The following NXPE2 variants were observed in gnomAD, a reference collection of about 807,000 sequenced individuals.
The protein encoded by NXPE2 is NXPE family member 2.
A neutral mutation model predicts 34.4 loss-of-function variants in NXPE2; 34 were observed. That is an observed-to-expected ratio of 0.99 (90% CI 0.75 to 1.31). NXPE2 has a LOEUF of 1.31. Ranked by LOEUF, NXPE2 falls within the 40% of genes most tolerant of loss-of-function variation. The pLI, the probability that NXPE2 is intolerant of heterozygous loss-of-function variation, is 0.00. For synonymous variants in NXPE2, 235 were observed against 231.3 expected, an observed-to-expected ratio of 1.02 and a Z score of -0.15; for missense variants, 649 against 672.5, an observed-to-expected ratio of 0.97 and a Z score of 0.39.
At chr11:114,620,122 A>AT in the NXPE2 span, among the ~76,000 whole-genome samples, 1 of 148,726 alleles carries the variant, frequency 6.7e-6, no homozygotes, top group Non-Finnish European at 1.5e-5. Context: ...GATAATACGT[A>AT]TTTCCTCGTG....
At chr11:114,799,590 C>G in the NXPE2 span, among the ~76,000 whole-genome samples, 1 of 152,170 alleles carries the variant, frequency 6.6e-6, no homozygotes, top group Non-Finnish European at 1.5e-5. Context: ...AGGAGACCCC[C>G]TGGGTGGGAA....
intron 2 of NXPE2, among the ~76,000 whole-genome samples, chr11:114,682,848 GA>G (rs35146922): frequency 0.25 from 35,689 of 143,510 alleles, 4,360 homozygotes; most frequent in East Asian, 0.45. Flanking sequence ...ACCTGAGGAG[GA>G]AAAAAAAAAA....
the NXPE2 span, among the ~76,000 whole-genome samples, chr11:114,811,404 AG>A: frequency 6.6e-6 from 1 of 152,092 alleles, no homozygotes; most frequent in Non-Finnish European, 1.5e-5. Context: ...CACAAAAAAA[AG>A]GTAGGGATAG....
the NXPE2 span, among the ~76,000 whole-genome samples, chr11:114,759,648 C>T: frequency 7.9e-5 from 12 of 151,924 alleles, no homozygotes; most frequent in African/African-American, 2.7e-4. Flanking sequence ...ATTAGAATAC[C>T]GAATAAGTTT....
At chr11:114,602,806 TAC>T in the NXPE2 span, among the ~76,000 whole-genome samples, 1 of 139,446 alleles carries the variant, frequency 7.2e-6, no homozygotes, top group Non-Finnish European at 1.5e-5. Flanking sequence ...CTCATATAAT[TAC>T]AGAATCATAT....
the NXPE2 span, among the ~76,000 whole-genome samples, chr11:114,550,949 A>G: frequency 6.6e-6 from 1 of 152,136 alleles, no homozygotes; most frequent in African/African-American, 2.4e-5. Context: ...TGGTGTCCAC[A>G]ATGCCTCTAA....
At chr11:114,520,634 G>A in the NXPE2 span, among the ~76,000 whole-genome samples, 1 of 152,172 alleles carries the variant, frequency 6.6e-6, no homozygotes, top group Non-Finnish European at 1.5e-5. Context: ...ACTCAGCAGA[G>A]GGATTGCTGG....
At chr11:114,604,264 T>A in the NXPE2 span, among the ~76,000 whole-genome samples, 1 of 151,994 alleles carries the variant, frequency 6.6e-6, no homozygotes, top group African/African-American at 2.4e-5. Context: ...GGGTAACCAG[T>A]GTTACCTGCT....
chr11:114,811,461 G>A, the NXPE2 span, among the ~76,000 whole-genome samples: 1 of 152,170 alleles, frequency 6.6e-6, no homozygotes, highest in South Asian at 2.1e-4. Context: ...TCATGAAGAA[G>A]AGAAAATATG....
the NXPE2 span, among the ~76,000 whole-genome samples, chr11:114,629,393 C>A: frequency 6.6e-6 from 1 of 151,878 alleles, no homozygotes; most frequent in Non-Finnish European, 1.5e-5. Flanking sequence ...TGTAATCCAG[C>A]ATATAAACAG....
the NXPE2 span, among the ~76,000 whole-genome samples, chr11:114,619,368 G>T: frequency 6.6e-6 from 1 of 151,956 alleles, no homozygotes; most frequent in Admixed American, 6.6e-5. Flanking sequence ...TAGATAATAA[G>T]TGTTGCCACC....
At chr11:114,670,141 G>A in the NXPE2 span, among the ~76,000 whole-genome samples, 1 of 152,012 alleles carries the variant, frequency 6.6e-6, no homozygotes, top group Non-Finnish European at 1.5e-5. Flanking sequence ...CCATAGAGCA[G>A]TTTATGCCCC....
chr11:114,508,348 C>T, the NXPE2 span, among the ~76,000 whole-genome samples: 1 of 152,166 alleles, frequency 6.6e-6, no homozygotes, highest in African/African-American at 2.4e-5. Context: ...AATACTATTC[C>T]TATTCAACTA....
intron 2 of NXPE2, among the ~76,000 whole-genome samples, 164 bp from the exon 3 acceptor site, chr11:114,697,881 T>C (rs943126512): frequency 1.3e-4 from 20 of 152,200 alleles, no homozygotes; most frequent in African/African-American, 4.8e-4. Context: ...TCATACTACA[T>C]GGAAACCATT....
the NXPE2 span, among the ~76,000 whole-genome samples, chr11:114,634,970 C>T: frequency 6.6e-6 from 1 of 151,884 alleles, no homozygotes; most frequent in African/African-American, 2.4e-5. Flanking sequence ...TCCATATGAA[C>T]TTTAAAGTAG....
At chr11:114,672,981 C>T in the NXPE2 span, among the ~76,000 whole-genome samples, 5 of 150,714 alleles carry the variant, frequency 3.3e-5, no homozygotes, top group Non-Finnish European at 1.5e-5. Flanking sequence ...ACATTCTGCC[C>T]AACAACAACA....
At chr11:114,587,746 C>A in the NXPE2 span, among the ~76,000 whole-genome samples, 1 of 152,142 alleles carries the variant, frequency 6.6e-6, no homozygotes, top group Non-Finnish European at 1.5e-5. Context: ...AAAGGGACAC[C>A]TTTTTTCTTG....
At chr11:114,594,769 C>G in the NXPE2 span, 1 of 1,352,594 alleles carries the variant, frequency 7.4e-7, no homozygotes, top group East Asian at 2.3e-5. Context: ...TGATTAGGAT[C>G]CTACAAGAGA....
the NXPE2 span, among the ~76,000 whole-genome samples, chr11:114,639,861 AT>A: frequency 4.6e-3 from 286 of 62,526 alleles, 2 homozygotes; most frequent in East Asian, 0.02. Flanking sequence ...AATATATATT[AT>A]ATTTTATATT....
Sources: allele counts gnomAD v4.1 joint callset (sites outside exome capture counted in the v4.1 genomes callset), GRCh38; gene constraint gnomAD v4.1.1; transcripts MANE v1.5; gene names NCBI Gene and HGNC (gene_info 2026-07-23, HGNC 2026-07-21).